Variants in OC90 observed in about 807,000 individuals in gnomAD.
OC90 encodes otoconin 90, also known as otoconin-90.
OC90 carries 46 observed loss-of-function variants against 47.3 expected under a neutral mutation model. That is an observed-to-expected ratio of 0.97 (90% CI 0.77 to 1.24). The LOEUF is 1.24. Among genes scored for constraint, OC90 ranks in the 50% most tolerant of loss-of-function variants. The pLI is 0.00. For synonymous variants in OC90, 271 were observed against 219.5 expected, an observed-to-expected ratio of 1.23 and a Z score of -2.07; for missense variants, 688 against 583.9, an observed-to-expected ratio of 1.18 and a Z score of -1.84.
In OC90 at chr8:132,031,879, A is replaced by G; in HGVS notation, c.1031+2T>C. The G allele has an allele frequency of 6.2e-7, 1 of 1,613,430 alleles. No individual in the cohort carries two copies. The highest frequency in any genetic ancestry group is 1.7e-4 in the Middle Eastern group (1 of 6,058). On this transcript the variant is annotated splice_donor_variant, in intron 12 of 13. Transcript: ENST00000254627. LOFTEE classifies it high-confidence loss of function. ...AGAGCTGTCACCGCTGGCTCTCCAT[A>G]CCTGTCTAGGTCATCCCTTGGCTCG... is the stretch of plus-strand genomic sequence containing the variant.
intron 1 of OC90, among the ~76,000 whole-genome samples, chr8:132,055,853 A>G (rs1823273692): frequency 6.6e-6 from 1 of 152,164 alleles, no homozygotes; most frequent in African/African-American, 2.4e-5. Flanking sequence ...TTTAACTTCA[A>G]TAAGCCCTTA....
intron 2 of OC90, chr8:132,049,799 C>A (rs1323281602): frequency 1.9e-6 from 1 of 516,972 alleles, no homozygotes; most frequent in Non-Finnish European, 3.9e-6. Flanking sequence ...ACTTAATGAA[C>A]AATTACCTGT....
chr8:132,057,506 G>A (rs1052465431), intron 1 of OC90, among the ~76,000 whole-genome samples: 14 of 152,156 alleles, frequency 9.2e-5, no homozygotes, highest in African/African-American at 3.4e-4. Context: ...GGTATGATTG[G>A]GTGTTCTTCG....
chr8:132,049,854 C>A (rs753269479), intron 2 of OC90: 2 of 518,174 alleles, frequency 3.9e-6, no homozygotes, highest in African/African-American at 1.9e-5. Flanking sequence ...CAGATGATAA[C>A]GTCTTCAGCT....
intron 4 of OC90, among the ~76,000 whole-genome samples, chr8:132,041,983 A>G (rs539092489): frequency 1.4e-4 from 21 of 152,308 alleles, no homozygotes; most frequent in Admixed American, 1.3e-3. Flanking sequence ...TCAGCTGGTC[A>G]TGGTAATCCC....
Position 132,040,259 on chromosome 8 carries a change from G to A in OC90, c.457+785C>T, listed in dbSNP as rs1247748307. ...GGCTTTGCCCCTTTGCAGCTGTGTG[G>A]CTTTGGGCAAGTTATTTAAGCTGCA... is the stretch of plus-strand genomic sequence containing the variant. On this transcript the variant is annotated intron_variant, in intron 6 of 13. Transcript: ENST00000254627. 2.2e-4 allele frequency among the ~76,000 whole-genome samples: 33 copies of A among 152,166 alleles called. 1 individual carries two copies. Among genetic ancestry groups the A allele is most frequent in the Admixed American group, 2.2e-3 (33 of 15,280 alleles).
chr8:132,034,700 C>CAA, intron 10 of OC90, 81 bp downstream of exon 10: 1 of 956,044 alleles, frequency 1.0e-6, no homozygotes. Flanking sequence ...CATTTGGAAC[C>CAA]CAGTTGATAT....
At position 132,024,362 on chromosome 8, in the gene OC90, C is replaced by A. The variant is rs571583139; in HGVS notation, c.*119G>T. ...GGGCTCACGGCCTCTGTTCCCTCCC[C>A]GCCTCTGAGTTAAAGGAAGGGAAGA... is the stretch of plus-strand genomic sequence containing the variant. On this transcript the variant is annotated 3_prime_UTR_variant, in exon 14 of 14. Transcript: ENST00000254627. 2.4e-6 allele frequency: 2 copies of A among 819,864 alleles called. No individual in the cohort carries two copies. Among genetic ancestry groups the A allele is most frequent in the Non-Finnish European group, 3.7e-6 (2 of 541,606 alleles). 50.8% of individuals were successfully genotyped at this position (819,864 alleles called of 1,614,324 possible). A position where few individuals can be genotyped will look rare whatever the true frequency, so the allele number is the denominator to read the frequency against.
At chr8:132,052,101 C>T (rs373174081) in intron 2 of OC90, among the ~76,000 whole-genome samples, 2 of 152,090 alleles carry the variant, frequency 1.3e-5, no homozygotes, top group Admixed American at 6.5e-5. Context: ...GAGCTGACCA[C>T]GCATTTCTCA....
chr8:132,028,563 A>AAAGAAAGGAAGG (rs1354516292), intron 13 of OC90, among the ~76,000 whole-genome samples: 256 of 31,258 alleles, frequency 8.2e-3, no homozygotes, highest in South Asian at 0.018. Flanking sequence ...AGAAAGAAAG[A>AAAGAAAGGAAGG]AAGGAAGGAA....
Position 132,025,923 on chromosome 8 carries a change from A to G in OC90, c.1139-1147T>C, listed in dbSNP as rs139536825. Among the ~76,000 whole-genome samples the G allele has an allele frequency of 1.1e-3, 162 of 152,370 alleles. No individual in the cohort carries two copies. The Middle Eastern group carries it at 0.024, about 22-fold the overall frequency. On this transcript the variant is annotated intron_variant, in intron 13 of 13. Transcript: ENST00000254627. ...TATTTCCCAAGTTAGTGCTAAGGAA[A>G]TATGTGTTAGATTTGATGGTTACTT...
chr8:132,049,652 C>T (rs1045348968), intron 2 of OC90, among the ~76,000 whole-genome samples: 2 of 152,156 alleles, frequency 1.3e-5, no homozygotes, highest in African/African-American at 4.8e-5. Flanking sequence ...GTAAAATGCT[C>T]GCAATTAATA....
chr8:132,025,976 A>G (rs1822751737), intron 13 of OC90, among the ~76,000 whole-genome samples: 1 of 152,222 alleles, frequency 6.6e-6, no homozygotes, highest in Non-Finnish European at 1.5e-5. Context: ...GAATTTCCCT[A>G]TTCATCATTC....
chr8:132,058,526 C>T (rs1209155891), intron 1 of OC90, among the ~76,000 whole-genome samples: 5 of 152,322 alleles, frequency 3.3e-5, no homozygotes, highest in African/African-American at 4.8e-5. Flanking sequence ...CCTTGCTGGT[C>T]GGACAGACCT....
At chr8:132,055,498 CTT>C (rs1249362068) in intron 1 of OC90, among the ~76,000 whole-genome samples, 4 of 152,194 alleles carry the variant, frequency 2.6e-5, no homozygotes, top group Admixed American at 2.0e-4. Context: ...TGTAGTTTGA[CTT>C]TTGTTAATTG....
intron 6 of OC90, 90 bp from the exon 7 acceptor site, chr8:132,039,213 C>A: frequency 7.1e-7 from 1 of 1,411,758 alleles, no homozygotes; most frequent in Non-Finnish European, 9.7e-7. Context: ...TCCTCATCTC[C>A]CCTGCCAAAA....
chr8:132,029,116 C>T lies in OC90; in HGVS notation c.1095G>A (p.Arg365=), dbSNP rs1563728019. 1.2e-6 allele frequency: 2 copies of T among 1,613,952 alleles called. No individual in the cohort carries two copies. The highest frequency in any genetic ancestry group is 2.2e-5 in the East Asian group (1 of 44,874). ...QVRRLGCLLE[R]LPWSPVVCVD... The stretch of plus-strand genomic sequence containing the variant: ...CACACACCACCGGTGACCAAGGAAG[C>T]CTCTCAAGCAGGCAGCCCAGCCTTC... The change falls in exon 13 of 14, where the codon AGG becomes AGA. Residue 365 remains arginine (R), a synonymous_variant. Transcript: ENST00000254627.
At position 132,024,325 on chromosome 8, in the gene OC90, G is replaced by A. The variant is rs549402998; in HGVS notation, c.*156C>T. Reference sequence around the variant, plus strand: ...GGCTTGTGAGGTGACCACAGCTGATGAGGCATGGGCAGGGCTCACGGCCTC... The same window carrying A: ...GGCTTGTGAGGTGACCACAGCTGATAAGGCATGGGCAGGGCTCACGGCCTC... On this transcript the variant is annotated 3_prime_UTR_variant, in exon 14 of 14. Transcript: ENST00000254627. 3.6e-4 allele frequency: 213 copies of A among 584,544 alleles called. 3 individuals carry two copies. The highest frequency in any genetic ancestry group is 2.3e-3 in the Middle Eastern group (5 of 2,200). The allele number at this position is 584,544 out of a possible 1,614,324, so 36.2% of individuals were successfully genotyped here.
chr8:132,042,118 A>T (rs1823062931), intron 4 of OC90, among the ~76,000 whole-genome samples: 1 of 135,982 alleles, frequency 7.4e-6, no homozygotes, highest in African/African-American at 2.8e-5. Flanking sequence ...GAATAAAGGC[A>T]AGTAGGAAGA....
Sources: gnomAD v4.1 joint callset for allele counts (sites outside exome capture counted in the v4.1 genomes callset) on GRCh38, gnomAD v4.1.1 for gene constraint, MANE v1.5 for transcripts, NCBI Gene and HGNC (gene_info 2026-07-23, HGNC 2026-07-21) for gene names.